The following AFF3 variants were observed in gnomAD, a reference collection of about 807,000 sequenced individuals.
The protein encoded by AFF3 is AF4/FMR2 family member 3.
Under a neutral mutation model 129.7 loss-of-function variants are expected in AFF3, and 32 were observed. The observed-to-expected ratio is 0.25, with a 90% CI of 0.19 to 0.33. The LOEUF (loss-of-function observed/expected upper bound fraction) is 0.33, where lower values mean the gene tolerates loss of function less well. Ranked by LOEUF, AFF3 falls within the 10% of genes least tolerant of loss-of-function variation. The probability of loss-of-function intolerance (pLI) is 1.00; values close to 1 mark genes in which losing one functional copy is unlikely to be tolerated. For missense variants in AFF3, 1,373 were observed against 1,592.0 expected (o/e 0.86, Z 2.34); for synonymous variants, 644 against 635.4 (o/e 1.01, Z -0.20).
intron 11 of AFF3, among the ~76,000 whole-genome samples, chr2:99,698,563 C>T (rs999622872): frequency 1.3e-5 from 2 of 152,212 alleles, no homozygotes; most frequent in Non-Finnish European, 2.9e-5. Flanking sequence ...ACTTTTGTAT[C>T]AGTTTAGGTT....
chr2:99,805,362 G>A (rs922286327), intron 8 of AFF3, among the ~76,000 whole-genome samples: 1 of 152,140 alleles, frequency 6.6e-6, no homozygotes, highest in African/African-American at 2.4e-5. Context: ...TGTTACATTG[G>A]TGGTATTATG....
chr2:99,577,454 A>G (rs944555102), intron 18 of AFF3, among the ~76,000 whole-genome samples: 1 of 152,004 alleles, frequency 6.6e-6, no homozygotes, highest in Admixed American at 6.6e-5. Context: ...GAGCCATTTT[A>G]TTTTCCAGTG....
chr2:99,549,157 ATG>A lies in AFF3; in HGVS notation c.*2315_*2316del, dbSNP rs1342624063. On this transcript the variant is annotated 3_prime_UTR_variant, in exon 25 of 25. Coordinates refer to ENST00000672756, the MANE Select transcript of AFF3 (RefSeq NM_001386135.1). ...GATAGACCTCCAGGGCCATCCCTTT[ATG>A]TGTTTGAATATTTCATCAGGATTCT... The A allele has an allele frequency of 4.5e-6, 1 of 219,852 alleles. No individual in the cohort carries two copies. Among genetic ancestry groups the A allele is most frequent in the Non-Finnish European group, 9.1e-6 (1 of 109,776 alleles). 13.6% of individuals were successfully genotyped at this position (219,852 alleles called of 1,614,324 possible). A position where few individuals can be genotyped will look rare whatever the true frequency, so the allele number is the denominator to read the frequency against.
At chr2:99,987,654 A>G (rs1206827065) in intron 7 of AFF3, among the ~76,000 whole-genome samples, 11 of 152,214 alleles carry the variant, frequency 7.2e-5, no homozygotes, top group Non-Finnish European at 1.5e-4. Context: ...TATAAGATTT[A>G]AGATTCCCAT....
At chr2:99,736,695 C>T (rs1369184856) in intron 10 of AFF3, among the ~76,000 whole-genome samples, 5 of 150,600 alleles carry the variant, frequency 3.3e-5, no homozygotes, top group African/African-American at 9.8e-5. Context: ...CTGCAACCTC[C>T]ACCTCCCAGG....
At chr2:99,779,657 T>C (rs1684235326) in intron 8 of AFF3, among the ~76,000 whole-genome samples, 1 of 152,156 alleles carries the variant, frequency 6.6e-6, no homozygotes, top group Non-Finnish European at 1.5e-5. Context: ...AGTAGATAGT[T>C]TTTCAGCCTT....
intron 18 of AFF3, 93 bp from the exon 19 acceptor site, chr2:99,569,008 T>C: frequency 3.2e-6 from 4 of 1,250,874 alleles, no homozygotes; most frequent in Non-Finnish European, 4.7e-6. Flanking sequence ...TAAGGCACAA[T>C]TTAAAAACTC....
chr2:99,999,627 C>A (rs749652559), intron 7 of AFF3, among the ~76,000 whole-genome samples: 1 of 152,152 alleles, frequency 6.6e-6, no homozygotes, highest in African/African-American at 2.4e-5. Flanking sequence ...CAAATAGGGC[C>A]ACTATAAATA....
chr2:99,664,912 C>T (rs574010007), intron 12 of AFF3, among the ~76,000 whole-genome samples: 9 of 152,306 alleles, frequency 5.9e-5, no homozygotes, highest in Non-Finnish European at 8.8e-5. Context: ...ATGAAGGATA[C>T]TGTGAGACGG....
intron 4 of AFF3, among the ~76,000 whole-genome samples, chr2:100,036,382 T>G (rs1684910394): frequency 6.6e-6 from 1 of 152,064 alleles, no homozygotes; most frequent in Admixed American, 6.6e-5. Context: ...TGAAGAAAAG[T>G]GGGCGCTTCA....
chr2:99,702,856 A>G (rs1466488595), intron 11 of AFF3, among the ~76,000 whole-genome samples: 5 of 152,208 alleles, frequency 3.3e-5, no homozygotes. Context: ...CCCAGGCCAT[A>G]ATTTCTCTTG....
At chr2:99,715,353 G>A (rs773113578) in intron 11 of AFF3, among the ~76,000 whole-genome samples, 14 of 152,120 alleles carry the variant, frequency 9.2e-5, no homozygotes, top group African/African-American at 2.2e-4. Context: ...CTGCAGACAC[G>A]AGGCTGTTTT....
chr2:99,726,867 G>A (rs1679403017), intron 11 of AFF3, among the ~76,000 whole-genome samples: 1 of 152,174 alleles, frequency 6.6e-6, no homozygotes, highest in African/African-American at 2.4e-5. Flanking sequence ...ATAAAGAGAA[G>A]CATTTGCATT....
At chr2:99,747,110 C>T (rs539267874) in intron 9 of AFF3, among the ~76,000 whole-genome samples, 3 of 152,132 alleles carry the variant, frequency 2.0e-5, no homozygotes, top group Non-Finnish European at 2.9e-5. Flanking sequence ...CTCACTGCAG[C>T]CTCCGCCTCC....
At chr2:100,021,282 A>T (rs1332669413) in intron 4 of AFF3, among the ~76,000 whole-genome samples, 2 of 152,224 alleles carry the variant, frequency 1.3e-5, no homozygotes, top group Non-Finnish European at 2.9e-5. Flanking sequence ...TCCTCAGCAC[A>T]TAGAAGAGTG....
intron 16 of AFF3, among the ~76,000 whole-genome samples, chr2:99,584,026 CT>C (rs574323897): frequency 1.5e-3 from 234 of 151,644 alleles, no homozygotes; most frequent in African/African-American, 5.3e-3. Flanking sequence ...TCTAAAAAGA[CT>C]TTTGCTATCT....
At chr2:99,581,522 C>CT (rs74265080) in intron 17 of AFF3, among the ~76,000 whole-genome samples, 3,314 of 145,310 alleles carry the variant, frequency 0.023, 120 homozygotes, top group African/African-American at 0.075. Context: ...GAATCCTGTT[C>CT]TTTTTTTTTT....
Position 99,765,037 on chromosome 2 carries a change from G to A in AFF3, c.922-12736C>T, listed in dbSNP as rs146325704. Among the ~76,000 whole-genome samples, 276 of 152,160 alleles carry A rather than the reference G, an allele frequency of 1.8e-3. 4 individuals are homozygous for A. The highest frequency in any genetic ancestry group is 6.8e-3 in the Middle Eastern group (2 of 294). On this transcript the variant is annotated intron_variant, in intron 8 of 24. Transcript: ENST00000672756. ...AAATCTTGTCAAATCGTGTTAACTC[G>A]AGGTTTATAAAAAGTGAGCCAAATT...
At chr2:99,769,917 A>G (rs182159851) in intron 8 of AFF3, among the ~76,000 whole-genome samples, 5 of 152,318 alleles carry the variant, frequency 3.3e-5, no homozygotes, top group Non-Finnish European at 7.3e-5. Flanking sequence ...CCCTGTGGCT[A>G]CCACGACTGG....
Sources: gnomAD v4.1 joint callset for allele counts (sites outside exome capture counted in the v4.1 genomes callset) on GRCh38, gnomAD v4.1.1 for gene constraint, MANE v1.5 for transcripts, NCBI Gene and HGNC (gene_info 2026-07-23, HGNC 2026-07-21) for gene names.